EYS: variants seen among roughly 807,000 people sequenced by gnomAD.
The protein encoded by EYS is protein eyes shut homolog.
A neutral mutation model predicts 282.1 loss-of-function variants in EYS; 250 were observed. The ratio of observed to expected loss-of-function variants is 0.89; its 90% CI spans 0.80 to 0.98. The LOEUF is 0.98. Ranked by LOEUF, EYS falls within the 50% of genes least tolerant of loss-of-function variation. The pLI is 0.00. For missense variants in EYS, 4,016 were observed against 3,709.0 expected, an observed-to-expected ratio of 1.08 and a Z score of -2.15; for synonymous variants, 1,355 against 1,282.9, an observed-to-expected ratio of 1.06 and a Z score of -1.20.
At chr6:63,799,753 A>G (rs1057001140) in intron 37 of EYS, among the ~76,000 whole-genome samples, 7 of 152,250 alleles carry the variant, frequency 4.6e-5, no homozygotes, top group African/African-American at 7.2e-5. Flanking sequence ...ACAGTATTTA[A>G]TTAGATACCA....
intron 2 of EYS, among the ~76,000 whole-genome samples, chr6:65,565,949 G>T (rs1018484692): frequency 6.6e-5 from 10 of 151,986 alleles, no homozygotes; most frequent in African/African-American, 4.8e-5. Context: ...GGCCTGTTGT[G>T]GGGTGGGGGG....
chr6:63,929,839 A>G (rs542292396), intron 35 of EYS, among the ~76,000 whole-genome samples: 25 of 152,290 alleles, frequency 1.6e-4, no homozygotes, highest in African/African-American at 6.0e-4. Context: ...TTCTTGATCA[A>G]TCAAATTCTG....
chr6:64,824,908 A>G (rs565962899), intron 19 of EYS, among the ~76,000 whole-genome samples: 6 of 151,998 alleles, frequency 3.9e-5, no homozygotes, highest in African/African-American at 1.4e-4. Flanking sequence ...TAGCCTCCAA[A>G]GAGGATAAGA....
Position 63,721,347 on chromosome 6 carries a change from G to A in EYS, c.8684C>T (p.Thr2895Ile). The change falls in exon 43 of 43, where the codon ACA becomes ATA. Residue 2895 changes from threonine (T) to isoleucine (I), a missense_variant. By Grantham distance (89) the Thr-to-Ile change is moderately conservative (BLOSUM62 -1). Coordinates refer to ENST00000503581, the MANE Select transcript of EYS (RefSeq NM_001142800.2). ...RNGGECTVNGTTFSCRCLPDW... is the reference protein window; with the variant it reads ...RNGGECTVNGITFSCRCLPDW... ...TGGCAAACATCTGCAAGAAAAAGTTGTGCCATTTACTGTACATTCACCTCC... is the reference window on the plus strand; with the variant it reads ...TGGCAAACATCTGCAAGAAAAAGTTATGCCATTTACTGTACATTCACCTCC... 6.4e-7 allele frequency: 1 copy of A among 1,551,892 alleles called. No individual in the cohort carries two copies. Among genetic ancestry groups the A allele is most frequent in the Non-Finnish European group, 8.7e-7 (1 of 1,146,996 alleles).
intron 31 of EYS, among the ~76,000 whole-genome samples, chr6:64,183,013 G>A (rs763615785): frequency 5.3e-5 from 8 of 152,078 alleles, no homozygotes; most frequent in African/African-American, 7.2e-5. Flanking sequence ...TCACGGGAAC[G>A]ACCAGGTAGA....
intron 36 of EYS, among the ~76,000 whole-genome samples, chr6:63,844,163 C>T (rs1405762808): frequency 1.3e-5 from 2 of 152,086 alleles, no homozygotes; most frequent in East Asian, 1.9e-4. Context: ...ACTCCATCCA[C>T]GTCCCGGCAA....
At chr6:65,157,966 C>T (rs1764767871) in intron 12 of EYS, among the ~76,000 whole-genome samples, 1 of 150,706 alleles carries the variant, frequency 6.6e-6, no homozygotes, top group African/African-American at 2.4e-5. Context: ...GAATGAAATT[C>T]ATTAATGCTA....
chr6:64,172,738 CTAATCTAGAATCA>C (rs1764518828), intron 31 of EYS, among the ~76,000 whole-genome samples: 1 of 152,080 alleles, frequency 6.6e-6, no homozygotes, highest in Non-Finnish European at 1.5e-5. Context: ...TTGTTCAAGG[CTAATCTAGAATCA>C]TATCTGTGCT....
chr6:64,151,956 G>C (rs144058346), intron 31 of EYS, among the ~76,000 whole-genome samples: 1 of 152,094 alleles, frequency 6.6e-6, no homozygotes, highest in African/African-American at 2.4e-5. Flanking sequence ...TGATGTTTTT[G>C]AGCCTCTGCT....
chr6:64,853,958 T>C (rs1296621368), intron 19 of EYS, among the ~76,000 whole-genome samples: 1 of 151,912 alleles, frequency 6.6e-6, no homozygotes, highest in Non-Finnish European at 1.5e-5. Context: ...CAGACACTTC[T>C]CAAAATAAGA....
Position 65,002,749 on chromosome 6 carries a change from A to G in EYS, c.2138-5046T>C, listed in dbSNP as rs1218396044. Among the ~76,000 whole-genome samples the G allele has an allele frequency of 2.0e-5, 3 of 147,922 alleles. 1 individual carries two copies. Among genetic ancestry groups the G allele is most frequent in the Non-Finnish European group, 4.5e-5 (3 of 66,056 alleles). On this transcript the variant is annotated intron_variant, in intron 13 of 42. Transcript: ENST00000503581. The stretch of plus-strand genomic sequence containing the variant: ...CCAAACAGAGGGACCGGCTGAAGCC[A>G]TGGCAGAAGAACGTAGATTGTGAAG...
intron 36 of EYS, among the ~76,000 whole-genome samples, chr6:63,836,184 C>A (rs1290123882): frequency 6.6e-6 from 1 of 151,926 alleles, no homozygotes; most frequent in Non-Finnish European, 1.5e-5. Context: ...AGACTCCTAC[C>A]AGCAATGTAT....
At chr6:65,139,352 T>G (rs1764262577) in intron 12 of EYS, among the ~76,000 whole-genome samples, 1 of 152,082 alleles carries the variant, frequency 6.6e-6, no homozygotes, top group Non-Finnish European at 1.5e-5. Flanking sequence ...AAATACCATC[T>G]GTTATTGCTT....
chr6:65,161,927 C>T (rs77016041), intron 12 of EYS, among the ~76,000 whole-genome samples: 5,356 of 151,138 alleles, frequency 0.035, 139 homozygotes, highest in African/African-American at 0.077. Context: ...TTTAGTTTCC[C>T]CGCCTCCTCA....
At position 65,353,592 on chromosome 6, in the gene EYS, T is replaced by A. The variant is rs758215773; in HGVS notation, c.1325A>T (p.Lys442Ile). The change falls in exon 9 of 43, where the codon AAA (lysine) becomes ATA (isoleucine). Residue 442 changes from lysine to isoleucine, a missense_variant. Transcript: ENST00000503581. ...FKYVCIPGCT[K>I]NPCWFLKNVY... is the part of the protein sequence containing the mutation. ...ATTCTTCAAAAACCAACATGGATTTTTTGTGCACCCTGGAATGCATACATA... is the reference window on the plus strand; with the variant it reads ...ATTCTTCAAAAACCAACATGGATTTATTGTGCACCCTGGAATGCATACATA... The A allele has an allele frequency of 1.9e-6, 3 of 1,613,136 alleles. No individual in the cohort carries two copies. The Admixed American group carries it at 5.0e-5, about 27-fold the overall frequency.
At chr6:64,716,471 A>G (rs1015225853) in intron 22 of EYS, among the ~76,000 whole-genome samples, 2 of 152,204 alleles carry the variant, frequency 1.3e-5, no homozygotes, top group African/African-American at 4.8e-5. Context: ...ATTGCATACC[A>G]TGGTGATTCA....
At chr6:64,463,015 G>A (rs1220437422) in intron 26 of EYS, among the ~76,000 whole-genome samples, 8 of 141,270 alleles carry the variant, frequency 5.7e-5, no homozygotes, top group South Asian at 2.2e-4. Flanking sequence ...GCGAGATCTC[G>A]GGCTCACTGC....
chr6:63,810,531 G>A (rs992907900), intron 36 of EYS, among the ~76,000 whole-genome samples: 76 of 152,210 alleles, frequency 5.0e-4, no homozygotes, highest in African/African-American at 1.8e-3. Context: ...GAGGGAGGCA[G>A]CTGGGGCTGG....
chr6:63,817,651 G>C (rs932658371), intron 36 of EYS, among the ~76,000 whole-genome samples: 1 of 152,242 alleles, frequency 6.6e-6, no homozygotes. Context: ...GCATTCACCA[G>C]GAAGCCCTGG....
Sources: allele counts gnomAD v4.1 joint callset (sites outside exome capture counted in the v4.1 genomes callset), GRCh38; gene constraint gnomAD v4.1.1; transcripts MANE v1.5; gene names NCBI Gene and HGNC (gene_info 2026-07-23, HGNC 2026-07-21).